LHCGR: variants seen among roughly 807,000 people sequenced by gnomAD.
LHCGR encodes the protein luteinizing hormone/choriogonadotropin receptor, also known as lutropin-choriogonadotropic hormone receptor.
Under a neutral mutation model 60.7 loss-of-function variants are expected in LHCGR, and 55 were observed. The observed-to-expected ratio is 0.91, with a 90% CI of 0.73 to 1.13. The LOEUF is 1.13. LHCGR is among the 50% of genes most tolerant of loss of function. LHCGR has a pLI of 0.00. For missense variants in LHCGR, 862 were observed against 836.0 expected (o/e 1.03, Z -0.38); for synonymous variants, 337 against 316.5 (o/e 1.06, Z -0.69).
intron 10 of LHCGR, among the ~76,000 whole-genome samples, chr2:48,693,092 G>T (rs1362812982): frequency 1.3e-5 from 2 of 152,124 alleles, no homozygotes; most frequent in African/African-American, 2.4e-5. Context: ...TTGATGATAA[G>T]AATAAAGTCA....
intron 8 of LHCGR, among the ~76,000 whole-genome samples, chr2:48,705,475 G>A (rs1667617174): frequency 6.6e-6 from 1 of 152,080 alleles, no homozygotes; most frequent in South Asian, 2.1e-4. Context: ...GATCTGCCTA[G>A]TATTGACAGT....
At chr2:48,698,290 C>G (rs538035521) in intron 9 of LHCGR, among the ~76,000 whole-genome samples, 2 of 152,302 alleles carry the variant, frequency 1.3e-5, no homozygotes, top group African/African-American at 4.8e-5. Context: ...AAATGATGCT[C>G]TCTGATAAGG....
Position 48,688,082 on chromosome 2 carries a change from G to A in LHCGR, c.1715C>T (p.Ala572Val), listed in dbSNP as rs121912522. 1 of 1,614,130 alleles carries A rather than the reference G, an allele frequency of 6.2e-7. No individual in the cohort carries two copies. The highest frequency in any genetic ancestry group is 1.1e-5 in the South Asian group (1 of 91,080). ...GGTGAAATCGGTGAAGATGAGGATT[G>A]CCATTTTCTTAGCAATCTTTGTATC... ...NKDTKIAKKM[A>V]ILIFTDFTCM... The change falls in exon 11 of 11, where the codon GCA (alanine) becomes GTA (valine). Residue 572 changes from alanine to valine, a missense_variant. Physicochemically the swap from Ala to Val is moderately conservative, Grantham distance 64 (BLOSUM62 0). Transcript: ENST00000294954. This position sits in a 1 kb window ranked among gnomAD's most constrained non-coding sequence, Gnocchi z 5.2.
intron 1 of LHCGR, among the ~76,000 whole-genome samples, chr2:48,742,218 C>A (rs1429579651): frequency 6.6e-6 from 1 of 152,024 alleles, no homozygotes; most frequent in African/African-American, 2.4e-5. Context: ...TACAAAGAGA[C>A]TTAGACTCCC....
chr2:48,706,236 G>C (rs550163480), intron 8 of LHCGR, among the ~76,000 whole-genome samples: 1 of 152,300 alleles, frequency 6.6e-6, no homozygotes, highest in East Asian at 1.9e-4. Flanking sequence ...CTCTCTTCTG[G>C]CTTGTAGGGT....
intron 2 of LHCGR, among the ~76,000 whole-genome samples, chr2:48,729,716 C>T (rs770626717): frequency 4.6e-5 from 7 of 152,146 alleles, no homozygotes; most frequent in Non-Finnish European, 8.8e-5. Context: ...CCCTTAGTTT[C>T]CCAAAATCTC....
At position 48,688,099 on chromosome 2, in the gene LHCGR, C is replaced by T. The variant is rs1165348987; in HGVS notation, c.1698G>A (p.Lys566=). 1 of 1,614,118 alleles carries T rather than the reference C, an allele frequency of 6.2e-7. No individual in the cohort carries two copies. The highest frequency in any genetic ancestry group is 8.5e-7 in the Non-Finnish European group (1 of 1,180,012). ...TGAGGATTGCCATTTTCTTAGCAAT[C>T]TTTGTATCTTTATTGGTAGCCATTA... is the stretch of plus-strand genomic sequence containing the variant. The part of the protein sequence containing the change: ...PELMATNKDT[K]IAKKMAILIF... The change falls in exon 11 of 11, where the codon AAG becomes AAA. Residue 566 remains lysine (K), a synonymous_variant. Coordinates refer to ENST00000294954, the MANE Select transcript of LHCGR (RefSeq NM_000233.4). The surrounding 1 kb of genome is among the most constrained non-coding windows in gnomAD (Gnocchi z 5.2).
At chr2:48,697,889 A>G (rs1667201747) in intron 9 of LHCGR, among the ~76,000 whole-genome samples, 1 of 152,250 alleles carries the variant, frequency 6.6e-6, no homozygotes, top group African/African-American at 2.4e-5. Context: ...CATATTAAAA[A>G]GTTAAGTATC....
At chr2:48,732,882 T>A (rs1473166413) in intron 1 of LHCGR, 1 of 534,542 alleles carries the variant, frequency 1.9e-6, no homozygotes, top group South Asian at 1.4e-5. Context: ...TCTCTGATTC[T>A]ATTCCCGAAG....
At chr2:48,722,718 A>C (rs1006535422) in intron 6 of LHCGR, among the ~76,000 whole-genome samples, 1 of 152,178 alleles carries the variant, frequency 6.6e-6, no homozygotes, top group Non-Finnish European at 1.5e-5. Context: ...CTTCCTGCAA[A>C]GCCTGCAGAA....
In LHCGR at chr2:48,709,001, A is replaced by G. The variant is rs771705468; in HGVS notation, c.627T>C (p.His209=). 1.2e-6 allele frequency: 2 copies of G among 1,614,158 alleles called. No homozygotes were observed. The highest frequency in any genetic ancestry group is 1.7e-6 in the Non-Finnish European group (2 of 1,179,996). The change falls in exon 8 of 11, where the codon CAT becomes CAC. Residue 209 remains histidine (H), a synonymous_variant. Coordinates refer to ENST00000294954, the MANE Select transcript of LHCGR (RefSeq NM_000233.4). ...LTSLELKENV[H]LEKMHNGAFR... The stretch of plus-strand genomic sequence containing the variant: ...AGGCTCCATTGTGCATCTTCTCCAG[A>G]TGTACGTTTTCCTTTAGCTCCCTGT...
chr2:48,735,796 TA>T (rs2103654718), intron 1 of LHCGR, among the ~76,000 whole-genome samples: 1 of 152,276 alleles, frequency 6.6e-6, no homozygotes, highest in South Asian at 2.1e-4. Flanking sequence ...GTTGCTCTCC[TA>T]GAATTATGCT....
intron 8 of LHCGR, among the ~76,000 whole-genome samples, chr2:48,706,122 G>A (rs565539566): frequency 1.3e-5 from 2 of 152,296 alleles, no homozygotes; most frequent in Non-Finnish European, 2.9e-5. Flanking sequence ...TTGCTTGTCT[G>A]TAAAGGATTT....
At chr2:48,722,971 A>G (rs1000845796) in intron 6 of LHCGR, among the ~76,000 whole-genome samples, 1 of 152,198 alleles carries the variant, frequency 6.6e-6, no homozygotes, top group Non-Finnish European at 1.5e-5. Context: ...GAGTATAGAT[A>G]GTGTTGCTTC....
intron 3 of LHCGR, among the ~76,000 whole-genome samples, chr2:48,727,003 A>T (rs910534350): frequency 9.8e-5 from 15 of 152,296 alleles, no homozygotes; most frequent in Admixed American, 3.3e-4. Context: ...GCCTGTTTCC[A>T]TCTTCTCAGC....
chr2:48,732,907 G>C (rs536134923), intron 1 of LHCGR: 23 of 534,500 alleles, frequency 4.3e-5, no homozygotes, highest in South Asian at 3.2e-4. Context: ...TCCCAAGAAG[G>C]ACATCGTTTA....
In LHCGR at chr2:48,689,000, C is replaced by G; in HGVS notation, c.948-151G>C. ...TTATTTGTTAAATTATTTGAGAACT[C>G]TGATTTGATGTAGGAGTACCTTAAG... On this transcript the variant is annotated intron_variant, in intron 10 of 10. Transcript: ENST00000294954. This position sits in a 1 kb window ranked among gnomAD's most constrained non-coding sequence, Gnocchi z 5.2. The G allele has an allele frequency of 2.7e-6, 2 of 751,444 alleles. No individual in the cohort carries two copies. The highest frequency in any genetic ancestry group is 4.4e-6 in the Non-Finnish European group (2 of 458,248). 46.5% of individuals were successfully genotyped at this position (751,444 alleles called of 1,614,324 possible).
chr2:48,705,827 T>C (rs1191084526), intron 8 of LHCGR, among the ~76,000 whole-genome samples: 1 of 152,202 alleles, frequency 6.6e-6, no homozygotes, highest in Non-Finnish European at 1.5e-5. Flanking sequence ...AGCACACTGA[T>C]GGGTCTTGAC....
intron 6 of LHCGR, among the ~76,000 whole-genome samples, chr2:48,719,184 T>C (rs1668393368): frequency 6.6e-6 from 1 of 152,034 alleles, no homozygotes; most frequent in African/African-American, 2.4e-5. Context: ...TAGCCGGGCA[T>C]GGTGGTGGGC....
Sources: allele counts gnomAD v4.1 joint callset (sites outside exome capture counted in the v4.1 genomes callset), GRCh38; gene constraint gnomAD v4.1.1; non-coding constraint Gnocchi (gnomAD v3.1); transcripts MANE v1.5; gene names NCBI Gene and HGNC (gene_info 2026-07-23, HGNC 2026-07-21).